Variants in MAD2L2 observed in about 807,000 individuals in gnomAD.
MAD2L2 encodes the protein mitotic arrest deficient 2 like 2, also known as mitotic spindle assembly checkpoint protein MAD2B.
MAD2L2 carries 17 observed loss-of-function variants against 30.5 expected under a neutral mutation model. That is an observed-to-expected ratio of 0.56 (90% CI 0.38 to 0.84). The LOEUF is 0.84. Ranked by LOEUF, MAD2L2 falls within the 40% of genes least tolerant of loss-of-function variation. MAD2L2 has a pLI of 0.00. For missense variants in MAD2L2, 213 were observed against 277.4 expected (o/e 0.77, Z 1.65); for synonymous variants, 101 against 113.9 (o/e 0.89, Z 0.72).
chr1:11,686,311 G>A (rs750043524), intron 1 of MAD2L2, among the ~76,000 whole-genome samples: 4 of 152,178 alleles, frequency 2.6e-5, no homozygotes, highest in Non-Finnish European at 5.9e-5. Context: ...AGGGTTCACT[G>A]CTGACCTGAG....
chr1:11,684,705 T>C (rs967518972), upstream of MAD2L2, among the ~76,000 whole-genome samples: 2 of 152,138 alleles, frequency 1.3e-5, no homozygotes, highest in Admixed American at 6.5e-5. Context: ...ACCAGGCTGA[T>C]GGCAGAATGA....
At chr1:11,684,056 G>A (rs1352136858), upstream of MAD2L2, among the ~76,000 whole-genome samples, 2 of 152,122 alleles carry the variant, frequency 1.3e-5, no homozygotes, top group Non-Finnish European at 2.9e-5. Flanking sequence ...GAAGCAGATG[G>A]GGAGGGATTC....
chr1:11,683,514 G>T (rs909933), upstream of MAD2L2, among the ~76,000 whole-genome samples: 93,359 of 150,674 alleles, frequency 0.62, 29,020 homozygotes, highest in East Asian at 0.74. Context: ...TTGGGGACTC[G>T]GGGGGAAGGA....
chr1:11,690,823 G>A lies in MAD2L2; in HGVS notation c.-692+590C>T, dbSNP rs1299804948. ...GTCGTCAGGACACGGCGCCCCGCGCGGTGATGGATGAGCCGGCCCCAGCGC... is the reference window on the plus strand; with the variant it reads ...GTCGTCAGGACACGGCGCCCCGCGCAGTGATGGATGAGCCGGCCCCAGCGC... On this transcript the variant is annotated intron_variant, in intron 1 of 10. Coordinates refer to the MAD2L2 transcript ENST00000235310. This position sits in a 1 kb window ranked among gnomAD's most constrained non-coding sequence, Gnocchi z 4.2. Among the ~76,000 whole-genome samples, 1 of 152,130 alleles carries A rather than the reference G, an allele frequency of 6.6e-6. No homozygotes were observed. Among genetic ancestry groups the A allele is most frequent in the Non-Finnish European group, 1.5e-5 (1 of 68,016 alleles).
intron 6 of MAD2L2, 100 bp downstream of exon 6, chr1:11,675,946 A>G (rs1469923221): frequency 9.7e-7 from 1 of 1,035,624 alleles, no homozygotes. Flanking sequence ...GGTTAGGAAG[A>G]GATGAGTCTC....
Position 11,688,000 on chromosome 1 carries a change from T to G in MAD2L2, c.-692+3413A>C, listed in dbSNP as rs1025955630. Reference sequence around the variant, plus strand: ...CTCTCCTAACATCCACCTTTTCATATTGTGTCACCCCAGCTCCAAGCACAT... The same window carrying G: ...CTCTCCTAACATCCACCTTTTCATAGTGTGTCACCCCAGCTCCAAGCACAT... On this transcript the variant is annotated intron_variant, in intron 1 of 10. Transcript: ENST00000235310. This position sits in a 1 kb window ranked among gnomAD's most constrained non-coding sequence, Gnocchi z 4.1. 3.3e-5 allele frequency among the ~76,000 whole-genome samples: 5 copies of G among 152,132 alleles called. No homozygotes were observed. The highest frequency in any genetic ancestry group is 1.2e-4 in the African/African-American group (5 of 41,440).
upstream of MAD2L2, chr1:11,681,156 A>C (rs1036110914): frequency 1.3e-5 from 2 of 152,136 alleles, no homozygotes; most frequent in African/African-American, 4.8e-5. Context: ...GGTGACGTTC[A>C]CGGCGCTCCG....
At chr1:11,684,227 A>G (rs1640924017), upstream of MAD2L2, among the ~76,000 whole-genome samples, 1 of 152,172 alleles carries the variant, frequency 6.6e-6, no homozygotes, top group South Asian at 2.1e-4. Flanking sequence ...GAGCTCTGCC[A>G]ACACTCCATC....
intron 5 of MAD2L2, 142 bp from the exon 6 acceptor site, chr1:11,676,282 G>C: frequency 1.7e-6 from 1 of 600,494 alleles, no homozygotes; most frequent in Admixed American, 3.0e-5. Context: ...CTCCCTATCC[G>C]GTCCACACAA....
chr1:11,675,899 C>T, intron 6 of MAD2L2, 147 bp downstream of exon 6: 1 of 883,818 alleles, frequency 1.1e-6, no homozygotes, highest in South Asian at 1.4e-5. Flanking sequence ...CAGGTAGAAT[C>T]AATCAGGGAA....
chr1:11,685,009 C>T (rs1437502117), upstream of MAD2L2, among the ~76,000 whole-genome samples: 1 of 151,752 alleles, frequency 6.6e-6, no homozygotes, highest in Admixed American at 6.6e-5. Context: ...CTCACTGCAG[C>T]CTGAAACTCC....
At position 11,680,445 on chromosome 1, in the gene MAD2L2, G is replaced by A. The variant is rs1640851917; in HGVS notation, c.67C>T (p.Leu23=). 2 of 1,613,820 alleles carry A rather than the reference G, an allele frequency of 1.2e-6. No homozygotes were observed. Among genetic ancestry groups the A allele is most frequent in the South Asian group, 1.1e-5 (1 of 91,080 alleles). The change falls in exon 3 of 9, where the codon CTG becomes TTG. Residue 23 remains leucine (L), a synonymous_variant. Coordinates refer to ENST00000376692, the MANE Select transcript of MAD2L2 (RefSeq NM_006341.4). ...AGGATGAGATGCACAGCCACCTCCAGGAACTCGCAGAGCACATCGGCCACC... is the reference window on the plus strand; with the variant it reads ...AGGATGAGATGCACAGCCACCTCCAAGAACTCGCAGAGCACATCGGCCACC... ...QVVADVLCEF[L]EVAVHLILYV...
rs1641042419 is a variant in MAD2L2 at position 11,690,617 on chromosome 1, G to T, written c.-692+796C>A. On this transcript the variant is annotated intron_variant, in intron 1 of 10. Transcript: ENST00000235310. This position sits in a 1 kb window ranked among gnomAD's most constrained non-coding sequence, Gnocchi z 4.2. ...CATAATTTGCCACACGCTGGAGAAA[G>T]AAAACAGTCGAAATGGAAGCCACCT... Among the ~76,000 whole-genome samples, 1 of 152,214 alleles carries T rather than the reference G, an allele frequency of 6.6e-6. No individual in the cohort carries two copies. Among genetic ancestry groups the T allele is most frequent in the Non-Finnish European group, 1.5e-5 (1 of 68,036 alleles).
Position 11,687,690 on chromosome 1 carries a change from C to T in MAD2L2, c.-692+3723G>A, listed in dbSNP as rs1485240787. Among the ~76,000 whole-genome samples, 1 of 152,208 alleles carries T rather than the reference C, an allele frequency of 6.6e-6. No individual in the cohort carries two copies. The highest frequency in any genetic ancestry group is 2.4e-5 in the African/African-American group (1 of 41,448). On this transcript the variant is annotated intron_variant, in intron 1 of 10. Transcript: ENST00000235310. The surrounding 1 kb of genome is among the most constrained non-coding windows in gnomAD (Gnocchi z 4.1). ...TGCGCCTGACCTGGACTTGCCAATA[C>T]GGAACATTCCATATAAAAGTAATTG... is the stretch of plus-strand genomic sequence containing the variant.
chr1:11,689,815 C>G (rs552506453), intron 1 of MAD2L2, among the ~76,000 whole-genome samples: 1 of 152,168 alleles, frequency 6.6e-6, no homozygotes, highest in South Asian at 2.1e-4. Context: ...AGAACCCTCT[C>G]CTGAGGTCTG....
chr1:11,686,467 CTG>C (rs1299355539), intron 1 of MAD2L2, among the ~76,000 whole-genome samples: 2 of 152,216 alleles, frequency 1.3e-5, no homozygotes, highest in Non-Finnish European at 1.5e-5. Context: ...CAGGGTCTCG[CTG>C]TGTTACCCAG....
upstream of MAD2L2, among the ~76,000 whole-genome samples, chr1:11,684,761 T>A (rs1417055431): frequency 2.0e-5 from 3 of 152,030 alleles, no homozygotes; most frequent in Admixed American, 6.6e-5. Flanking sequence ...ACCAATCACA[T>A]GGGTATGGGG....
chr1:11,678,103 T>C (rs569062837), intron 3 of MAD2L2, among the ~76,000 whole-genome samples: 2 of 140,364 alleles, frequency 1.4e-5, no homozygotes, highest in South Asian at 2.3e-4. Flanking sequence ...AACTTATCCA[T>C]AGAGAAAGAA....
chr1:11,676,823 T>C (rs1640777025), intron 5 of MAD2L2, 25 bp downstream of exon 5: 4 of 1,591,650 alleles, frequency 2.5e-6, no homozygotes, highest in African/African-American at 1.3e-5. Context: ...TGCCAGCTAG[T>C]GGGCGAGGGG....
Sources: allele counts gnomAD v4.1 joint callset (sites outside exome capture counted in the v4.1 genomes callset), GRCh38; gene constraint gnomAD v4.1.1; non-coding constraint Gnocchi (gnomAD v3.1); transcripts MANE v1.5; gene names NCBI Gene and HGNC (gene_info 2026-07-23, HGNC 2026-07-21).